Variants in SLC39A10 observed in about 807,000 individuals in gnomAD.
SLC39A10 encodes the protein zinc transporter ZIP10.
In SLC39A10, 13 loss-of-function variants were observed where a neutral mutation model predicts 65.1. The observed-to-expected ratio is 0.20, with a 90% CI of 0.13 to 0.32. SLC39A10 has a LOEUF of 0.32. Ranked by LOEUF, SLC39A10 falls within the 10% of genes least tolerant of loss-of-function variation. SLC39A10 has a pLI of 1.00. For synonymous variants in SLC39A10, 321 were observed against 342.2 expected (o/e 0.94, Z 0.68); for missense variants, 831 against 1,018.4 (o/e 0.82, Z 2.50).
At chr2:195,716,578 AT>A in intron 6 of SLC39A10, 58 bp from the exon 7 acceptor site, 1 of 1,143,300 alleles carries the variant, frequency 8.7e-7, no homozygotes, top group Non-Finnish European at 1.2e-6. Context: ...TTCTGTTTAA[AT>A]TAGCAAATAT....
chr2:195,687,901 A>G lies in SLC39A10; in HGVS notation c.1216+3995A>G, dbSNP rs1690588093. ...AATAGGCTGCTAAGCATTTTGTGTC[A>G]ATTAAAATGCTGAAGCAGTGTAGAA... On this transcript the variant is annotated intron_variant, in intron 3 of 9. Coordinates refer to ENST00000359634, the MANE Select transcript of SLC39A10 (RefSeq NM_020342.3). Among the ~76,000 whole-genome samples the G allele has an allele frequency of 3.3e-5, 5 of 152,350 alleles. No homozygotes were observed. In the South Asian group the frequency reaches 1.0e-3, roughly 32 times the overall value.
At chr2:195,721,202 A>G (rs1249864532) in intron 8 of SLC39A10, among the ~76,000 whole-genome samples, 6 of 152,128 alleles carry the variant, frequency 3.9e-5, no homozygotes, top group Admixed American at 3.9e-4. Flanking sequence ...AACCTCCTAA[A>G]GTGCTGGGAT....
intron 2 of SLC39A10, among the ~76,000 whole-genome samples, chr2:195,627,350 T>G (rs1242929651): frequency 6.6e-6 from 1 of 152,196 alleles, no homozygotes; most frequent in African/African-American, 2.4e-5. Flanking sequence ...TGTCCATTCT[T>G]CCATTTTAAA....
rs531908833 is a variant in SLC39A10, at chr2:195,633,847, G to T, written c.-12+27614G>T. The stretch of plus-strand genomic sequence containing the variant: ...GCTTCTGGGGTCTTTATAGACACAG[G>T]GTGGGGTGGGGTGAGGCCATGGGTG... On this transcript the variant is annotated intron_variant, in intron 2 of 2. Coordinates refer to the SLC39A10 transcript ENST00000458054. Among the ~76,000 whole-genome samples the T allele has an allele frequency of 5.3e-5, 8 of 152,222 alleles. No individual in the cohort carries two copies. The South Asian group carries it at 1.5e-3, about 28-fold the overall frequency.
intron 6 of SLC39A10, among the ~76,000 whole-genome samples, chr2:195,714,974 A>G (rs1427754597): frequency 6.6e-6 from 1 of 151,480 alleles, no homozygotes; most frequent in Non-Finnish European, 1.5e-5. Flanking sequence ...GGATGGTCTC[A>G]ATCTCCTGAC....
chr2:195,613,990 C>T (rs1040815255), intron 2 of SLC39A10, among the ~76,000 whole-genome samples: 37 of 152,096 alleles, frequency 2.4e-4, no homozygotes, highest in Non-Finnish European at 4.1e-4. Context: ...AGTGGTCCTT[C>T]GGGTCCTTCA....
At chr2:195,658,505 ATTC>A (rs1689256136) in intron 1 of SLC39A10, 1 of 152,206 alleles carries the variant, frequency 6.6e-6, no homozygotes, top group African/African-American at 2.4e-5. Flanking sequence ...GAACTGAGTC[ATTC>A]TTGGAGCAAA....
At chr2:195,717,111 C>T in intron 7 of SLC39A10, 106 bp downstream of exon 7, 1 of 1,435,412 alleles carries the variant, frequency 7.0e-7, no homozygotes. Context: ...TCACTCTGGT[C>T]AGTTGATTTT....
chr2:195,669,919 G>GGGAGGC (rs1486200236), intron 1 of SLC39A10, among the ~76,000 whole-genome samples: 1 of 152,178 alleles, frequency 6.6e-6, no homozygotes, highest in East Asian at 1.9e-4. Context: ...CCACCACTTT[G>GGGAGGC]GGAGGCCAAG....
At chr2:195,725,357 C>T (rs911438148) in intron 8 of SLC39A10, among the ~76,000 whole-genome samples, 3 of 152,044 alleles carry the variant, frequency 2.0e-5, no homozygotes, top group Admixed American at 2.0e-4. Flanking sequence ...AATATTTGGA[C>T]AATACATATC....
upstream of SLC39A10, among the ~76,000 whole-genome samples, chr2:195,652,419 G>A (rs1327072981): frequency 1.3e-5 from 2 of 151,970 alleles, no homozygotes; most frequent in Non-Finnish European, 2.9e-5. Flanking sequence ...CGTGGTGGTA[G>A]GTGCCTGTAA....
At chr2:195,631,644 C>T (rs1026742932) in intron 2 of SLC39A10, among the ~76,000 whole-genome samples, 1 of 152,034 alleles carries the variant, frequency 6.6e-6, no homozygotes, top group African/African-American at 2.4e-5. Context: ...TTATTCCATT[C>T]TGAGGTAGAA....
chr2:195,734,748 T>G, intron 9 of SLC39A10, 135 bp from the exon 10 acceptor site: 2 of 828,100 alleles, frequency 2.4e-6, no homozygotes, highest in Non-Finnish European at 3.6e-6. Context: ...GTGGGTAGCA[T>G]TGTGTTCAAT....
intron 2 of SLC39A10, among the ~76,000 whole-genome samples, chr2:195,639,249 A>G (rs1430843727): frequency 6.6e-6 from 1 of 152,122 alleles, no homozygotes; most frequent in Non-Finnish European, 1.5e-5. Flanking sequence ...ACTGTATCTG[A>G]CTGACCTTGA....
At chr2:195,664,277 T>C (rs920231526) in intron 1 of SLC39A10, among the ~76,000 whole-genome samples, 5 of 152,150 alleles carry the variant, frequency 3.3e-5, no homozygotes, top group Non-Finnish European at 5.9e-5. Flanking sequence ...TGGATGTTAG[T>C]GCAACTGACA....
chr2:195,613,786 A>G (rs1401667038), intron 2 of SLC39A10, among the ~76,000 whole-genome samples: 2 of 152,226 alleles, frequency 1.3e-5, no homozygotes, highest in Non-Finnish European at 2.9e-5. Flanking sequence ...AACCTAAAAA[A>G]GAATAATAGA....
chr2:195,685,470 TCCTC>T (rs1460184690), intron 3 of SLC39A10, among the ~76,000 whole-genome samples: 1 of 152,156 alleles, frequency 6.6e-6, no homozygotes, highest in African/African-American at 2.4e-5. Context: ...CGTAATATGA[TCCTC>T]CCTGCCTGCC....
chr2:195,729,773 C>T (rs887826711), intron 9 of SLC39A10, among the ~76,000 whole-genome samples: 1 of 151,850 alleles, frequency 6.6e-6, no homozygotes, highest in East Asian at 1.9e-4. Flanking sequence ...TATTGCTGCT[C>T]TCTTTTAGGA....
rs1688542130 is a variant in SLC39A10 at position 195,629,559 on chromosome 2, T to A, written c.-12+23326T>A. 2.0e-5 allele frequency among the ~76,000 whole-genome samples: 3 copies of A among 152,194 alleles called. No homozygotes were observed. The South Asian group carries it at 6.2e-4, about 32-fold the overall frequency. On this transcript the variant is annotated intron_variant, in intron 2 of 2. Coordinates refer to the SLC39A10 transcript ENST00000458054. ...CACCAGCATATTTTGCTTGGATTAC[T>A]GCAGTAGCACCAATAAACACAAACT...
Sources: allele counts gnomAD v4.1 joint callset (sites outside exome capture counted in the v4.1 genomes callset), GRCh38; gene constraint gnomAD v4.1.1; transcripts MANE v1.5; gene names NCBI Gene and HGNC (gene_info 2026-07-23, HGNC 2026-07-21).